Variants in SSBP3 observed in about 807,000 individuals in gnomAD.
The protein encoded by SSBP3 is single stranded DNA binding protein 3, also known as single-stranded DNA-binding protein 3.
In SSBP3, 5 loss-of-function variants were observed where a neutral mutation model predicts 69.6. The ratio of observed to expected loss-of-function variants is 0.07; its 90% CI spans 0.04 to 0.15. The LOEUF is 0.15. SSBP3 is among the 10% of genes least tolerant of loss of function. The probability of loss-of-function intolerance (pLI) is 1.00; values close to 1 mark genes in which losing one functional copy is unlikely to be tolerated. For missense variants in SSBP3, 312 were observed against 534.0 expected, an observed-to-expected ratio of 0.58 and a Z score of 4.10; for synonymous variants, 196 against 193.4, an observed-to-expected ratio of 1.01 and a Z score of -0.11.
chr1:54,313,784 G>A (rs1379740858), intron 4 of SSBP3, among the ~76,000 whole-genome samples: 2 of 144,140 alleles, frequency 1.4e-5, no homozygotes, highest in Non-Finnish European at 3.0e-5. Flanking sequence ...TTTTTTTTTT[G>A]AGACAAGAGT....
intron 4 of SSBP3, among the ~76,000 whole-genome samples, chr1:54,288,621 C>T (rs941785149): frequency 4.6e-5 from 7 of 151,928 alleles, no homozygotes; most frequent in South Asian, 2.1e-4. Context: ...TCCCCAACAT[C>T]GCTGGGAAGA....
At position 54,318,343 on chromosome 1, in the gene SSBP3, G is replaced by A. The variant is rs549533463; in HGVS notation, c.277-36816C>T. Among the ~76,000 whole-genome samples the A allele has an allele frequency of 7.9e-5, 12 of 152,272 alleles. No individual in the cohort carries two copies. In the South Asian group the frequency reaches 1.9e-3, roughly 24 times the overall value. On this transcript the variant is annotated intron_variant, in intron 4 of 17. Transcript: ENST00000610401. ...TATAGAGATACAGCTATACCATTCC[G>A]TTCCCTAACAGCAGCAGTGGCCAAC...
chr1:54,333,786 CA>C (rs1454557846), intron 4 of SSBP3, among the ~76,000 whole-genome samples: 1 of 152,156 alleles, frequency 6.6e-6, no homozygotes, highest in African/African-American at 2.4e-5. Context: ...CAAATGTAGC[CA>C]GGCACAGAGC....
At chr1:54,244,887 C>A (rs1570244483) in intron 9 of SSBP3, among the ~76,000 whole-genome samples, 1 of 152,128 alleles carries the variant, frequency 6.6e-6, no homozygotes. Context: ...TCCCCCGCCA[C>A]CATGCTACAC....
chr1:54,253,192 GTTTTTTT>G (rs554412710), intron 7 of SSBP3, among the ~76,000 whole-genome samples: 1 of 132,930 alleles, frequency 7.5e-6, no homozygotes, highest in African/African-American at 2.9e-5. Flanking sequence ...TTTAGTTTTT[GTTTTTTT>G]TTTTTTTTAA....
chr1:54,328,526 G>A (rs1311267289), intron 4 of SSBP3, among the ~76,000 whole-genome samples: 1 of 152,304 alleles, frequency 6.6e-6, no homozygotes, highest in Non-Finnish European at 1.5e-5. Flanking sequence ...CATCACACCA[G>A]CAATCCCAGC....
At chr1:54,361,775 T>C (rs1646956018) in intron 4 of SSBP3, among the ~76,000 whole-genome samples, 1 of 152,064 alleles carries the variant, frequency 6.6e-6, no homozygotes, top group Non-Finnish European at 1.5e-5. Flanking sequence ...TTTCCAGACA[T>C]GCCAGATACA....
intron 4 of SSBP3, among the ~76,000 whole-genome samples, chr1:54,329,828 G>C (rs1236994043): frequency 3.9e-5 from 6 of 152,166 alleles, no homozygotes; most frequent in Non-Finnish European, 5.9e-5. Context: ...AGCCTGGTTG[G>C]CTGTCCTTCT....
chr1:54,247,960 G>T (rs1644762091), intron 9 of SSBP3, among the ~76,000 whole-genome samples: 1 of 152,218 alleles, frequency 6.6e-6, no homozygotes, highest in Non-Finnish European at 1.5e-5. Flanking sequence ...AGTAAAATCT[G>T]TCTGAAGCAC....
upstream of SSBP3, among the ~76,000 whole-genome samples, chr1:54,409,393 G>A (rs1391541661): frequency 2.6e-5 from 4 of 152,098 alleles, no homozygotes; most frequent in Non-Finnish European, 5.9e-5. Context: ...TCCCCCACCA[G>A]ACTGGGAGGG....
intron 5 of SSBP3, among the ~76,000 whole-genome samples, chr1:54,275,931 G>GT (rs899194424): frequency 6.6e-6 from 1 of 152,150 alleles, no homozygotes; most frequent in African/African-American, 2.4e-5. Context: ...GGTCATGCAA[G>GT]TTTCTCTCCC....
At chr1:54,286,077 G>A (rs1048080602) in intron 4 of SSBP3, among the ~76,000 whole-genome samples, 8 of 152,072 alleles carry the variant, frequency 5.3e-5, no homozygotes, top group Non-Finnish European at 1.2e-4. Context: ...GGGCACCTGG[G>A]TTTTAACTCT....
At chr1:54,325,435 G>T (rs1041818094) in intron 4 of SSBP3, 1 of 167,176 alleles carries the variant, frequency 6.0e-6, no homozygotes, top group African/African-American at 2.4e-5. Flanking sequence ...CTGAATGAAT[G>T]AAGACAGGAG....
chr1:54,237,993 G>A (rs1292550495), intron 14 of SSBP3: 3 of 381,454 alleles, frequency 7.9e-6, no homozygotes, highest in Non-Finnish European at 1.6e-5. Flanking sequence ...CTCTGTGTGG[G>A]TTTCATACTT....
intron 5 of SSBP3, among the ~76,000 whole-genome samples, chr1:54,276,295 C>T (rs916693001): frequency 3.3e-5 from 5 of 152,068 alleles, no homozygotes; most frequent in East Asian, 1.9e-4. Context: ...GTCTCTGTCA[C>T]GCAGCATCCA....
At chr1:54,362,002 GGTA>G (rs1249654540) in intron 4 of SSBP3, among the ~76,000 whole-genome samples, 5 of 152,334 alleles carry the variant, frequency 3.3e-5, no homozygotes, top group African/African-American at 1.2e-4. Flanking sequence ...AGGAAGGAGA[GGTA>G]TTAAAGACCT....
chr1:54,338,777 C>G (rs1646554326), intron 4 of SSBP3, among the ~76,000 whole-genome samples: 1 of 152,194 alleles, frequency 6.6e-6, no homozygotes, highest in Admixed American at 6.5e-5. Context: ...CCCAACAACA[C>G]AAAGGGCAGA....
chr1:54,322,290 C>G (rs940723604), intron 4 of SSBP3, among the ~76,000 whole-genome samples: 1 of 152,142 alleles, frequency 6.6e-6, no homozygotes, highest in East Asian at 1.9e-4. Context: ...AGAGATTCAT[C>G]GCAGCACTGC....
In SSBP3 at chr1:54,258,009, G is replaced by A. The variant is rs905531475; in HGVS notation, c.447+60C>T. On this transcript the variant is annotated intron_variant, in intron 6 of 17. Transcript: ENST00000610401. This position sits in a 1 kb window ranked among gnomAD's most constrained non-coding sequence, Gnocchi z 4.5. ...TTTGATTTTTGTTTTTCCTCTGCGG[G>A]CTCTCTGCTTCCTCCGCGCCCCGCG... 4.7e-6 allele frequency: 7 copies of A among 1,492,682 alleles called. No homozygotes were observed. The highest frequency in any genetic ancestry group is 4.3e-5 in the Admixed American group (2 of 46,674). The allele number at this position is 1,492,682 out of a possible 1,614,324, so 92.5% of individuals were successfully genotyped here.
Sources: gnomAD v4.1 joint callset for allele counts (sites outside exome capture counted in the v4.1 genomes callset) on GRCh38, gnomAD v4.1.1 for gene constraint, Gnocchi (gnomAD v3.1) non-coding constraint, MANE v1.5 for transcripts, NCBI Gene and HGNC (gene_info 2026-07-23, HGNC 2026-07-21) for gene names.